Variants in STK32B observed in about 807,000 individuals in gnomAD.
The protein encoded by STK32B is serine/threonine-protein kinase 32B.
STK32B carries 43 observed loss-of-function variants against 52.6 expected under a neutral mutation model. That is an observed-to-expected ratio of 0.82 (90% CI 0.64 to 1.05). The LOEUF is 1.05. STK32B is among the 50% of genes least tolerant of loss of function. STK32B has a pLI of 0.00. For synonymous variants in STK32B, 238 were observed against 204.3 expected (o/e 1.17, Z -1.41); for missense variants, 621 against 534.6 (o/e 1.16, Z -1.59).
chr4:5,027,094 C>T, the STK32B span, among the ~76,000 whole-genome samples: 1 of 152,308 alleles, frequency 6.6e-6, no homozygotes, highest in South Asian at 2.1e-4. Flanking sequence ...CGGACATTGC[C>T]TCTGGTGCTC....
intron 11 of STK32B, among the ~76,000 whole-genome samples, chr4:5,483,871 G>T (rs893057436): frequency 6.6e-6 from 1 of 152,126 alleles, no homozygotes; most frequent in Non-Finnish European, 1.5e-5. Context: ...GGAGCAGGTT[G>T]TTCAGTTTCT....
intron 3 of STK32B, among the ~76,000 whole-genome samples, chr4:5,178,662 C>T (rs1046050301): frequency 6.6e-6 from 1 of 152,222 alleles, no homozygotes; most frequent in African/African-American, 2.4e-5. Flanking sequence ...TACCCTGAAT[C>T]ATCTCTCTCA....
At chr4:5,033,462 G>T in the STK32B span, among the ~76,000 whole-genome samples, 4 of 152,206 alleles carry the variant, frequency 2.6e-5, no homozygotes, top group African/African-American at 9.7e-5. Flanking sequence ...GCAGGAAGTG[G>T]GTGAGAACAA....
At position 5,257,050 on chromosome 4, in the gene STK32B, A is replaced by G. The variant is rs1024869014; in HGVS notation, c.261-74170A>G. ...GAGTGGATGAATAAGTGAATGAGTG[A>G]ATGAATATGTGAGTAAATGAATGAA... On this transcript the variant is annotated intron_variant, in intron 3 of 11. Coordinates refer to ENST00000282908, the MANE Select transcript of STK32B (RefSeq NM_018401.3). Among the ~76,000 whole-genome samples, 8 of 145,156 alleles carry G rather than the reference A, an allele frequency of 5.5e-5. No individual in the cohort carries two copies. The East Asian group carries it at 1.6e-3, about 29-fold the overall frequency.
chr4:5,193,611 G>A (rs1340927293), intron 3 of STK32B, among the ~76,000 whole-genome samples: 12 of 152,196 alleles, frequency 7.9e-5, no homozygotes, highest in East Asian at 3.9e-4. Context: ...TGGAAGAGTC[G>A]GTGCCAATGT....
At chr4:5,331,130 A>G in intron 3 of STK32B, 90 bp from the exon 4 acceptor site, 2 of 1,284,220 alleles carry the variant, frequency 1.6e-6, no homozygotes, top group Admixed American at 2.3e-5. Context: ...TCTGAGCCTC[A>G]GTTTGCTCTT....
At chr4:5,495,538 G>T (rs933258355) in intron 11 of STK32B, among the ~76,000 whole-genome samples, 1 of 152,126 alleles carries the variant, frequency 6.6e-6, no homozygotes, top group African/African-American at 2.4e-5. Flanking sequence ...CCTGTAGCTC[G>T]CAGTAGCTTG....
In STK32B at chr4:5,232,782, T is replaced by C. The variant is rs74760757; in HGVS notation, c.260+64332T>C. ...CTCCTTTGCCCCTTTAGGTCCACTC[T>C]ACACCTGCTTCCTTCCTGCCCTGTG... On this transcript the variant is annotated intron_variant, in intron 3 of 11. Coordinates refer to ENST00000282908, the MANE Select transcript of STK32B (RefSeq NM_018401.3). Among the ~76,000 whole-genome samples, 1,087 of 152,286 alleles carry C rather than the reference T, an allele frequency of 7.1e-3. 7 individuals are homozygous for C. Among genetic ancestry groups the C allele is most frequent in the Non-Finnish European group, 0.012 (786 of 68,028 alleles).
At chr4:5,356,653 C>T (rs192842461) in intron 4 of STK32B, among the ~76,000 whole-genome samples, 8 of 152,266 alleles carry the variant, frequency 5.3e-5, no homozygotes, top group African/African-American at 1.7e-4. Flanking sequence ...CTGGAATTAC[C>T]TCTATTTCCT....
At chr4:5,040,573 T>C in the STK32B span, among the ~76,000 whole-genome samples, 1 of 152,064 alleles carries the variant, frequency 6.6e-6, no homozygotes, top group Non-Finnish European at 1.5e-5. Flanking sequence ...TTTGTATTTT[T>C]AGTAGAGACA....
chr4:5,187,236 C>G (rs1317011287), intron 3 of STK32B, among the ~76,000 whole-genome samples: 1 of 152,202 alleles, frequency 6.6e-6, no homozygotes, highest in Non-Finnish European at 1.5e-5. Flanking sequence ...CAACACAGCA[C>G]CTTCTTGTGC....
chr4:5,293,832 C>T (rs1184183243), intron 3 of STK32B, among the ~76,000 whole-genome samples: 1 of 152,086 alleles, frequency 6.6e-6, no homozygotes, highest in African/African-American at 2.4e-5. Context: ...GCTGCAGTTG[C>T]TCTTAGTGTT....
intron 1 of STK32B, among the ~76,000 whole-genome samples, chr4:5,076,528 A>G (rs1051741601): frequency 2.6e-5 from 4 of 152,202 alleles, no homozygotes; most frequent in Non-Finnish European, 5.9e-5. Context: ...TGTCTTCTGA[A>G]TCACAATTTG....
intron 1 of STK32B, among the ~76,000 whole-genome samples, chr4:5,094,085 T>C (rs1182606522): frequency 6.6e-6 from 1 of 152,170 alleles, no homozygotes. Context: ...TTTTGTGAAA[T>C]ACCTCTTTAT....
chr4:5,352,198 G>A (rs1276040905), intron 4 of STK32B, among the ~76,000 whole-genome samples: 2 of 151,874 alleles, frequency 1.3e-5, no homozygotes, highest in African/African-American at 4.8e-5. Flanking sequence ...AAATTCTCAA[G>A]AAAATACTTG....
intron 3 of STK32B, among the ~76,000 whole-genome samples, chr4:5,210,683 C>T (rs1209713805): frequency 6.6e-6 from 1 of 152,146 alleles, no homozygotes; most frequent in African/African-American, 2.4e-5. Flanking sequence ...CATTCAAAAA[C>T]AGATAAATGG....
At chr4:5,209,113 G>A (rs141736176) in intron 3 of STK32B, among the ~76,000 whole-genome samples, 58 of 152,336 alleles carry the variant, frequency 3.8e-4, no homozygotes, top group African/African-American at 1.4e-3. Flanking sequence ...CACATGGAGA[G>A]ATTCAGGTAA....
intron 11 of STK32B, among the ~76,000 whole-genome samples, chr4:5,496,545 T>G (rs1258838383): frequency 6.8e-6 from 1 of 146,790 alleles, no homozygotes; most frequent in Non-Finnish European, 1.5e-5. Flanking sequence ...GGCAATGCCT[T>G]GCCCTGCACC....
intron 5 of STK32B, among the ~76,000 whole-genome samples, chr4:5,416,304 G>A (rs1208754863): frequency 6.6e-6 from 1 of 151,860 alleles, no homozygotes; most frequent in Non-Finnish European, 1.5e-5. Flanking sequence ...CTTTGTAGGT[G>A]CACCCAGCCT....
Sources: gnomAD v4.1 joint callset for allele counts (sites outside exome capture counted in the v4.1 genomes callset) on GRCh38, gnomAD v4.1.1 for gene constraint, MANE v1.5 for transcripts, NCBI Gene and HGNC (gene_info 2026-07-23, HGNC 2026-07-21) for gene names.